TSPAN7: variants seen among roughly 807,000 people sequenced by gnomAD.
TSPAN7 encodes tetraspanin-7.
A neutral mutation model predicts 17.6 loss-of-function variants in TSPAN7; 1 was observed. That is an observed-to-expected ratio of 0.06 (90% CI 0.02 to 0.27). TSPAN7 has a LOEUF of 0.27. Among genes scored for constraint, TSPAN7 ranks in the 10% least tolerant of loss-of-function variants. TSPAN7 has a pLI of 1.00. For synonymous variants in TSPAN7, 78 were observed against 79.0 expected (o/e 0.99, Z 0.07); for missense variants, 112 against 201.7 (o/e 0.56, Z 2.69).
chrX:38,582,501 G>A (rs770545865), intron 1 of TSPAN7, among the ~76,000 whole-genome samples: 8 of 111,950 alleles, frequency 7.1e-5, no homozygotes, highest in African/African-American at 2.3e-4. Context: ...GGCTTAAATC[G>A]AGTGTTCATT....
chrX:38,580,741 C>T (rs1057354080), intron 1 of TSPAN7, among the ~76,000 whole-genome samples: 1 of 111,843 alleles, frequency 8.9e-6, no homozygotes, highest in Non-Finnish European at 1.9e-5. Flanking sequence ...AATTACTCCT[C>T]ATTTTGAGAG....
intron 1 of TSPAN7, chrX:38,562,944 A>G (rs1165329372): frequency 2.1e-6 from 2 of 947,017 alleles, no homozygotes; most frequent in Non-Finnish European, 2.7e-6. Context: ...CTCACCCACC[A>G]CCATATATTA....
At chrX:38,682,729 A>G (rs1471463520) in intron 6 of TSPAN7, among the ~76,000 whole-genome samples, 2 of 112,307 alleles carry the variant, frequency 1.8e-5, no homozygotes, top group African/African-American at 6.5e-5. Context: ...TGGGGTCACA[A>G]ACAATGCAAA....
intron 1 of TSPAN7, among the ~76,000 whole-genome samples, chrX:38,596,613 G>A (rs145479805): frequency 1.3e-3 from 141 of 111,448 alleles, no homozygotes; most frequent in African/African-American, 4.2e-3. Flanking sequence ...CCCGAAGTCT[G>A]TGCAACATCA....
At chrX:38,607,840 C>T (rs2069392368) in intron 1 of TSPAN7, among the ~76,000 whole-genome samples, 4 of 101,195 alleles carry the variant, frequency 4.0e-5, no homozygotes, top group Middle Eastern at 9.9e-3. Context: ...AGACTGGTCT[C>T]GGGTCTAGTT....
At chrX:38,683,540 C>T (rs2069905691) in intron 6 of TSPAN7, among the ~76,000 whole-genome samples, 1 of 112,704 alleles carries the variant, frequency 8.9e-6, no homozygotes, top group Admixed American at 9.3e-5. Context: ...TGGCATCATA[C>T]CATGGTGCCC....
chrX:38,590,551 GT>G (rs1356358867), intron 1 of TSPAN7, among the ~76,000 whole-genome samples: 1 of 111,558 alleles, frequency 9.0e-6, no homozygotes, highest in Non-Finnish European at 1.9e-5. Flanking sequence ...TGGGCCTGGA[GT>G]TTTCTTTGTG....
chrX:38,611,121 T>C lies in TSPAN7; in HGVS notation c.81+49494T>C, dbSNP rs140391722. Among the ~76,000 whole-genome samples, 978 of 112,544 alleles carry C rather than the reference T, an allele frequency of 8.7e-3. 9 individuals carry two copies. The highest frequency in any genetic ancestry group is 0.014 in the Non-Finnish European group (727 of 53,250). On this transcript the variant is annotated intron_variant, in intron 1 of 7. Coordinates refer to ENST00000378482, the MANE Select transcript of TSPAN7 (RefSeq NM_004615.4). ...TGCTGTAGAATGACTTCTTTCTTTCTTTGACTACACACGTAAGGAAAATAT... is the reference window on the plus strand; with the variant it reads ...TGCTGTAGAATGACTTCTTTCTTTCCTTGACTACACACGTAAGGAAAATAT...
intron 1 of TSPAN7, among the ~76,000 whole-genome samples, chrX:38,611,480 G>A (rs2069418120): frequency 8.9e-6 from 1 of 112,029 alleles, no homozygotes; most frequent in Admixed American, 9.5e-5. Context: ...CAGCTTGCAG[G>A]AATCCCCACT....
At position 38,604,118 on chromosome X, in the gene TSPAN7, C is replaced by T. The variant is rs1264033623; in HGVS notation, c.81+42491C>T. 3.1e-4 allele frequency among the ~76,000 whole-genome samples: 30 copies of T among 96,747 alleles called. No individual in the cohort carries two copies. The East Asian group carries it at 9.5e-3, about 31-fold the overall frequency. The allele number at this position is 96,747 out of a possible 115,157, so 84.0% of individuals were successfully genotyped here. A position where few individuals can be genotyped will look rare whatever the true frequency, so the allele number is the denominator to read the frequency against. On this transcript the variant is annotated intron_variant, in intron 1 of 7. Transcript: ENST00000378482. ...ATTCCCACCTATGAGTGAGAATATGCGGTGTTTGGTTTTTTGTTCTTGCGA... is the reference window on the plus strand; with the variant it reads ...ATTCCCACCTATGAGTGAGAATATGTGGTGTTTGGTTTTTTGTTCTTGCGA...
chrX:38,617,457 G>A (rs1048256401), intron 1 of TSPAN7, among the ~76,000 whole-genome samples: 9 of 112,669 alleles, frequency 8.0e-5, no homozygotes, highest in Non-Finnish European at 1.5e-4. Flanking sequence ...ACCAGACAAC[G>A]ACAGAGTTTT....
intron 1 of TSPAN7, among the ~76,000 whole-genome samples, chrX:38,635,050 A>G (rs2069572362): frequency 9.0e-6 from 1 of 110,952 alleles, no homozygotes; most frequent in African/African-American, 3.3e-5. Flanking sequence ...TTCTGACTCC[A>G]TGGTGATCTT....
chrX:38,588,481 C>T (rs753466873), intron 1 of TSPAN7, among the ~76,000 whole-genome samples: 30 of 111,561 alleles, frequency 2.7e-4, no homozygotes, highest in Non-Finnish European at 5.1e-4. Context: ...AAAGAATGTA[C>T]CCACAAATTT....
chrX:38,631,015 C>G (rs965022262), intron 1 of TSPAN7, among the ~76,000 whole-genome samples: 2 of 112,402 alleles, frequency 1.8e-5, no homozygotes, highest in Non-Finnish European at 3.8e-5. Context: ...AGCAAATGAT[C>G]AGTGGGCTAG....
chrX:38,656,877 C>T (rs2069708363), intron 1 of TSPAN7, among the ~76,000 whole-genome samples: 1 of 111,930 alleles, frequency 8.9e-6, no homozygotes, highest in Non-Finnish European at 1.9e-5. Flanking sequence ...TAGGAGAACT[C>T]AACAATGCTT....
chrX:38,567,005 A>C (rs1301143874), intron 1 of TSPAN7, among the ~76,000 whole-genome samples: 1 of 112,116 alleles, frequency 8.9e-6, no homozygotes, highest in Non-Finnish European at 1.9e-5. Context: ...CAATAGTGCT[A>C]TCAAATTCTT....
intron 1 of TSPAN7, among the ~76,000 whole-genome samples, chrX:38,620,824 A>G (rs2069484417): frequency 8.9e-6 from 1 of 112,180 alleles, no homozygotes; most frequent in Non-Finnish European, 1.9e-5. Flanking sequence ...GAGACTTCTG[A>G]TTGGTCTCTG....
chrX:38,563,474 G>T (rs990702613), intron 1 of TSPAN7, among the ~76,000 whole-genome samples: 3 of 102,197 alleles, frequency 2.9e-5, no homozygotes, highest in African/African-American at 1.3e-4. Context: ...GAATCATATT[G>T]GGAGGGGGGA....
rs189675794 is a variant in TSPAN7 at position 38,634,121 on chromosome X, G to A, written c.82-32000G>A. ...GTCATTGTCACTTTTAATTCGAATC[G>A]GAATAATTAAATTGGAATTAATTTA... On this transcript the variant is annotated intron_variant, in intron 1 of 7. Coordinates refer to ENST00000378482, the MANE Select transcript of TSPAN7 (RefSeq NM_004615.4). 1.0e-3 allele frequency among the ~76,000 whole-genome samples: 116 copies of A among 111,557 alleles called. 2 individuals are homozygous for A. Among genetic ancestry groups the A allele is most frequent in the African/African-American group, 3.6e-3 (110 of 30,725 alleles).
Sources: gnomAD v4.1 joint callset for allele counts (sites outside exome capture counted in the v4.1 genomes callset) on GRCh38, gnomAD v4.1.1 for gene constraint, MANE v1.5 for transcripts, NCBI Gene and HGNC (gene_info 2026-07-23, HGNC 2026-07-21) for gene names.